FHOD3: variants seen among roughly 807,000 people sequenced by gnomAD.
The protein encoded by FHOD3 is FH1/FH2 domain-containing protein 3.
FHOD3 carries 90 observed loss-of-function variants against 173.0 expected under a neutral mutation model. The observed-to-expected ratio is 0.52, with a 90% confidence interval of 0.44 to 0.62. The LOEUF (loss-of-function observed/expected upper bound fraction) is 0.62, where lower values mean the gene tolerates loss of function less well. Ranked by LOEUF, FHOD3 falls within the 20% of genes least tolerant of loss-of-function variation. FHOD3 has a pLI of 0.00. For missense variants in FHOD3, 1,945 were observed against 2,034.7 expected (o/e 0.96, Z 0.85); for synonymous variants, 828 against 823.0 (o/e 1.01, Z -0.10).
At chr18:36,469,622 C>A (rs17673821) in intron 3 of FHOD3, among the ~76,000 whole-genome samples, 9,578 of 152,236 alleles carry the variant, frequency 0.063, 565 homozygotes, top group East Asian at 0.27. Context: ...ATCACTCGAC[C>A]AAGAGGCAGC....
chr18:36,542,845 A>G (rs988932330), intron 5 of FHOD3, among the ~76,000 whole-genome samples: 2 of 152,210 alleles, frequency 1.3e-5, no homozygotes, highest in Non-Finnish European at 2.9e-5. Flanking sequence ...ACAAAAAAAA[A>G]TGACGAAGGG....
At chr18:36,655,762 CACACACACACAA>C (rs1290679791) in intron 13 of FHOD3, among the ~76,000 whole-genome samples, 1 of 141,802 alleles carries the variant, frequency 7.1e-6, no homozygotes, top group African/African-American at 2.7e-5. Flanking sequence ...CACACACACA[CACACACACACAA>C]AAATGCTGAA....
At chr18:36,333,840 G>C (rs1187299436) in intron 1 of FHOD3, among the ~76,000 whole-genome samples, 1 of 152,232 alleles carries the variant, frequency 6.6e-6, no homozygotes. Context: ...TCTCTATCCA[G>C]TAGTCAACCT....
chr18:36,390,975 C>T (rs1473888775), intron 3 of FHOD3, among the ~76,000 whole-genome samples: 1 of 152,150 alleles, frequency 6.6e-6, no homozygotes, highest in African/African-American at 2.4e-5. Context: ...TTCCTCTTGC[C>T]CCAGAAAGAT....
chr18:36,428,489 A>G (rs1360869657), intron 3 of FHOD3, among the ~76,000 whole-genome samples: 2 of 152,076 alleles, frequency 1.3e-5, no homozygotes, highest in Non-Finnish European at 2.9e-5. Context: ...GTTTACTGCA[A>G]GGATGCAGGG....
Position 36,780,165 on chromosome 18 carries a change from G to C in FHOD3, c.*635G>C, listed in dbSNP as rs2043968935. 8.1e-7 allele frequency: 1 copy of C among 1,231,788 alleles called. No homozygotes were observed. Among genetic ancestry groups the C allele is most frequent in the East Asian group, 3.2e-5 (1 of 31,712 alleles). The allele number at this position is 1,231,788 out of a possible 1,614,324, so 76.3% of individuals were successfully genotyped here. On this transcript the variant is annotated 3_prime_UTR_variant, in exon 29 of 29. Coordinates refer to ENST00000590592, the MANE Select transcript of FHOD3 (RefSeq NM_001281740.3). ...AGTGTCCTCAGAAGCACCCTCGCTT[G>C]GAACGGCCTTCAGATCCTTTGGGCT...
intron 10 of FHOD3, among the ~76,000 whole-genome samples, chr18:36,626,902 A>G (rs1162315124): frequency 1.3e-5 from 2 of 152,228 alleles, no homozygotes; most frequent in African/African-American, 2.4e-5. Flanking sequence ...GACCCAGGCC[A>G]TGCCTTCAGA....
At chr18:36,630,052 G>A (rs771799231) in intron 10 of FHOD3, among the ~76,000 whole-genome samples, 2 of 151,990 alleles carry the variant, frequency 1.3e-5, no homozygotes, top group African/African-American at 4.8e-5. Flanking sequence ...TCTGCCTTAG[G>A]GGAAGGCAGA....
At chr18:36,620,538 C>G (rs552603515) in intron 9 of FHOD3, among the ~76,000 whole-genome samples, 1 of 152,328 alleles carries the variant, frequency 6.6e-6, no homozygotes, top group African/African-American at 2.4e-5. Flanking sequence ...TTGAGCTACT[C>G]TAAGCCATAT....
At chr18:36,421,429 C>T (rs1372839811) in intron 3 of FHOD3, among the ~76,000 whole-genome samples, 2 of 152,146 alleles carry the variant, frequency 1.3e-5, no homozygotes, top group African/African-American at 4.8e-5. Context: ...TTCAGTTGAT[C>T]CAAGAGTTTG....
intron 10 of FHOD3, among the ~76,000 whole-genome samples, chr18:36,626,247 T>C (rs1441227916): frequency 2.6e-5 from 4 of 152,184 alleles, no homozygotes; most frequent in Non-Finnish European, 4.4e-5. Context: ...TTCCATCATT[T>C]AGTCTGAAAC....
chr18:36,443,671 C>A (rs543825297), intron 3 of FHOD3, among the ~76,000 whole-genome samples: 11 of 152,300 alleles, frequency 7.2e-5, no homozygotes, highest in African/African-American at 2.4e-4. Context: ...TGGATGTGCT[C>A]ATTGATACTG....
intron 5 of FHOD3, among the ~76,000 whole-genome samples, chr18:36,563,630 T>C (rs2147720841): frequency 6.6e-6 from 1 of 152,320 alleles, no homozygotes; most frequent in African/African-American, 2.4e-5. Context: ...AAGTAAGAAA[T>C]GGTGGAGATT....
chr18:36,769,295 A>G lies in FHOD3; in HGVS notation c.4655A>G (p.Asp1552Gly), dbSNP rs761231541. 6.2e-7 allele frequency: 1 copy of G among 1,614,200 alleles called. No individual in the cohort carries two copies. ...ACTAGTTCCTGGACTATGGGAACTG[A>G]TGACTCGCCCAATGTCACAGATGAT... ...GSTSSWTMGT[D>G]DSPNVTDDAA... Residue 1552 changes from aspartate (D) to glycine (G), a missense_variant, in exon 28 of 29, where the codon GAT becomes GGT. Coordinates refer to ENST00000590592, the MANE Select transcript of FHOD3 (RefSeq NM_001281740.3).
At chr18:36,337,034 G>A (rs1013694964) in intron 1 of FHOD3, among the ~76,000 whole-genome samples, 12 of 151,600 alleles carry the variant, frequency 7.9e-5, no homozygotes, top group East Asian at 1.9e-4. Flanking sequence ...TCAGATGGGC[G>A]TGGTGGTACA....
At chr18:36,573,727 G>A (rs1031103595) in intron 5 of FHOD3, among the ~76,000 whole-genome samples, 4 of 152,178 alleles carry the variant, frequency 2.6e-5, no homozygotes, top group African/African-American at 9.7e-5. Context: ...CATTTTACAA[G>A]TTAGGACATA....
intron 2 of FHOD3, among the ~76,000 whole-genome samples, chr18:36,372,439 C>T (rs1161661853): frequency 2.0e-5 from 3 of 152,208 alleles, no homozygotes; most frequent in South Asian, 2.1e-4. Context: ...TGGAATGAAT[C>T]GATGGAGCTT....
At chr18:36,387,535 C>T (rs1215661878) in intron 3 of FHOD3, among the ~76,000 whole-genome samples, 1 of 152,236 alleles carries the variant, frequency 6.6e-6, no homozygotes, top group Admixed American at 6.5e-5. Flanking sequence ...TATTCAGTGT[C>T]TGTGGGTGTA....
chr18:36,441,430 G>C (rs2051142716), intron 3 of FHOD3, among the ~76,000 whole-genome samples: 1 of 152,182 alleles, frequency 6.6e-6, no homozygotes, highest in Non-Finnish European at 1.5e-5. Context: ...TAGAGGATGA[G>C]GACGAGGCTG....
Sources: allele counts gnomAD v4.1 joint callset (sites outside exome capture counted in the v4.1 genomes callset), GRCh38; gene constraint gnomAD v4.1.1; transcripts MANE v1.5; gene names NCBI Gene and HGNC (gene_info 2026-07-23, HGNC 2026-07-21).